The following BCHE variants were observed in gnomAD, a reference collection of about 807,000 sequenced individuals.
BCHE encodes cholinesterase.
Under a neutral mutation model 51.3 loss-of-function variants are expected in BCHE, and 48 were observed. The ratio of observed to expected loss-of-function variants is 0.94; its 90% CI spans 0.74 to 1.19. The LOEUF is 1.19. Ranked by LOEUF, BCHE falls within the 50% of genes most tolerant of loss-of-function variation. The pLI is 0.00. For missense variants in BCHE, 847 were observed against 708.2 expected (o/e 1.20, Z -2.23); for synonymous variants, 251 against 238.0 (o/e 1.05, Z -0.50).
rs531112465 is a variant in BCHE at position 165,797,165 on chromosome 3, C to T, written c.1518-10854G>A. Among the ~76,000 whole-genome samples, 34 of 129,356 alleles carry T rather than the reference C, an allele frequency of 2.6e-4. 1 individual carries two copies. The South Asian group carries it at 9.7e-3, about 37-fold the overall frequency. The allele number at this position is 129,356 out of a possible 152,430, so 84.9% of individuals were successfully genotyped here. A position where few individuals can be genotyped will look rare whatever the true frequency, so the allele number is the denominator to read the frequency against. ...CCCTCCTTCCCTCCTTCCTTCTTCC[C>T]TCCCTTCCTTCCTTCCCTCCTTCGT... On this transcript the variant is annotated intron_variant, in intron 2 of 3. Transcript: ENST00000264381.
chr3:165,789,087 A>G (rs1713070940), intron 2 of BCHE, among the ~76,000 whole-genome samples: 1 of 152,152 alleles, frequency 6.6e-6, no homozygotes, highest in African/African-American at 2.4e-5. Context: ...TGACTTTGCT[A>G]TTTCTCAAAG....
At chr3:165,801,213 A>C (rs1338231909) in intron 2 of BCHE, among the ~76,000 whole-genome samples, 1 of 152,228 alleles carries the variant, frequency 6.6e-6, no homozygotes, top group Non-Finnish European at 1.5e-5. Context: ...TGATTTCTGA[A>C]TGACTTGCTA....
At chr3:165,813,436 G>A (rs1489362028) in intron 2 of BCHE, among the ~76,000 whole-genome samples, 1 of 151,330 alleles carries the variant, frequency 6.6e-6, no homozygotes, top group Non-Finnish European at 1.5e-5. Context: ...TTGATTATGT[G>A]TCTATATCTA....
At chr3:165,811,289 A>G (rs1483677282) in intron 2 of BCHE, among the ~76,000 whole-genome samples, 2 of 152,100 alleles carry the variant, frequency 1.3e-5, no homozygotes, top group African/African-American at 4.8e-5. Flanking sequence ...CTACATATGC[A>G]GGTGCATGTT....
Position 165,837,400 on chromosome 3 carries a change from C to T in BCHE, c.-95G>A, listed in dbSNP as rs1715225504. 1 of 1,289,604 alleles carries T rather than the reference C, an allele frequency of 7.8e-7. No homozygotes were observed. Among genetic ancestry groups the T allele is most frequent in the African/African-American group, 1.5e-5 (1 of 65,856 alleles). 79.9% of individuals were successfully genotyped at this position (1,289,604 alleles called of 1,614,324 possible). A position where few individuals can be genotyped will look rare whatever the true frequency, so the allele number is the denominator to read the frequency against. ...GGAAATGCAGGATGCAGCTGCTGCT[C>T]CAGCCTGTAAATTGGACTGCACTGA... On this transcript the variant is annotated 5_prime_UTR_variant, in exon 1 of 4. Coordinates refer to ENST00000264381, the MANE Select transcript of BCHE (RefSeq NM_000055.4).
At chr3:165,832,165 G>C (rs1715014964) in intron 1 of BCHE, among the ~76,000 whole-genome samples, 1 of 152,092 alleles carries the variant, frequency 6.6e-6, no homozygotes, top group Non-Finnish European at 1.5e-5. Flanking sequence ...TATTAGAAGA[G>C]ATCTAAGTTT....
intron 2 of BCHE, among the ~76,000 whole-genome samples, chr3:165,815,078 C>T (rs1405235374): frequency 6.7e-6 from 1 of 149,542 alleles, no homozygotes; most frequent in African/African-American, 2.4e-5. Context: ...ATGTATATTA[C>T]ATATATATAT....
At chr3:165,818,799 A>G (rs544969125) in intron 2 of BCHE, among the ~76,000 whole-genome samples, 1 of 152,140 alleles carries the variant, frequency 6.6e-6, no homozygotes, top group African/African-American at 2.4e-5. Flanking sequence ...ATCTACAATA[A>G]AATACATATA....
chr3:165,830,954 T>C lies in BCHE; in HGVS notation c.80A>G (p.His27Arg). 1 of 1,613,884 alleles carries C rather than the reference T, an allele frequency of 6.2e-7. No individual in the cohort carries two copies. ...TGCAATTATGATGTCATCTTCAGTA[T>C]GTGACTTCCCAATAAGCATGCAGAG... ...LLLCMLIGKS[H>R]TEDDIIIATK... Residue 27 changes from histidine (H) to arginine (R), a missense_variant, in exon 2 of 4, where the codon CAT becomes CGT. Coordinates refer to ENST00000264381, the MANE Select transcript of BCHE (RefSeq NM_000055.4).
intron 3 of BCHE, among the ~76,000 whole-genome samples, chr3:165,780,838 T>G (rs1576835064): frequency 6.6e-6 from 1 of 152,188 alleles, no homozygotes; most frequent in Non-Finnish European, 1.5e-5. Context: ...TCAACCATTG[T>G]GGAAGACAGT....
intron 2 of BCHE, among the ~76,000 whole-genome samples, chr3:165,817,086 A>G (rs1296712958): frequency 6.6e-6 from 1 of 152,206 alleles, no homozygotes; most frequent in East Asian, 1.9e-4. Context: ...AATAGTTGTT[A>G]ATATCTCAGG....
At chr3:165,778,512 C>T (rs931864080) in intron 3 of BCHE, 1 of 236,936 alleles carries the variant, frequency 4.2e-6, no homozygotes, top group Non-Finnish European at 9.4e-6. Flanking sequence ...AATTTAAATT[C>T]TTTAGCATGA....
At chr3:165,822,165 T>C (rs1714550556) in intron 2 of BCHE, among the ~76,000 whole-genome samples, 1 of 151,936 alleles carries the variant, frequency 6.6e-6, no homozygotes, top group South Asian at 2.1e-4. Flanking sequence ...TTAGAAAATA[T>C]TAACCATTTC....
rs1256563920 is a variant in BCHE at position 165,823,815 on chromosome 3, T to C, written c.1517+5702A>G. Among the ~76,000 whole-genome samples, 3 of 152,032 alleles carry C rather than the reference T, an allele frequency of 2.0e-5. No individual in the cohort carries two copies. In the East Asian group the frequency reaches 5.8e-4, roughly 29 times the overall value. On this transcript the variant is annotated intron_variant, in intron 2 of 3. Transcript: ENST00000264381. ...TTCTGTCACCCAGACTAGAGTGCAG[T>C]GCCCTGATCATAGTCCACTACAGCC...
intron 3 of BCHE, chr3:165,778,693 C>G (rs1458166854): frequency 2.2e-6 from 1 of 453,960 alleles, no homozygotes; most frequent in Non-Finnish European, 4.4e-6. Flanking sequence ...CTGTGCAGCT[C>G]TAGCTGCTAG....
intron 2 of BCHE, among the ~76,000 whole-genome samples, chr3:165,787,465 C>T (rs1056083035): frequency 1.5e-4 from 23 of 151,460 alleles, no homozygotes; most frequent in African/African-American, 5.1e-4. Flanking sequence ...TAGCATAAAC[C>T]GAGTCTAAAA....
At position 165,789,213 on chromosome 3, in the gene BCHE, C is replaced by T. The variant is rs530276507; in HGVS notation, c.1518-2902G>A. ...GGTTCTTTTTCTACTTTGTGGTATA[C>T]CAAAATGCTCTACAGATCACCCATT... is the stretch of plus-strand genomic sequence containing the variant. On this transcript the variant is annotated intron_variant, in intron 2 of 3. Coordinates refer to ENST00000264381, the MANE Select transcript of BCHE (RefSeq NM_000055.4). 3.2e-4 allele frequency among the ~76,000 whole-genome samples: 49 copies of T among 152,014 alleles called. 1 individual carries two copies. Among genetic ancestry groups the T allele is most frequent in the African/African-American group, 8.4e-4 (35 of 41,502 alleles).
intron 2 of BCHE, among the ~76,000 whole-genome samples, chr3:165,822,290 A>G (rs1714554365): frequency 6.6e-6 from 1 of 152,050 alleles, no homozygotes; most frequent in African/African-American, 2.4e-5. Flanking sequence ...CCTTTATTTG[A>G]AAGCTTAGTT....
chr3:165,799,228 T>C (rs1484936949), intron 2 of BCHE, among the ~76,000 whole-genome samples: 1 of 152,162 alleles, frequency 6.6e-6, no homozygotes, highest in South Asian at 2.1e-4. Flanking sequence ...ATGGCACAGA[T>C]TTCAACTTGG....
Sources: gnomAD v4.1 joint callset for allele counts (sites outside exome capture counted in the v4.1 genomes callset) on GRCh38, gnomAD v4.1.1 for gene constraint, MANE v1.5 for transcripts, NCBI Gene and HGNC (gene_info 2026-07-23, HGNC 2026-07-21) for gene names.